TTC23L: variants seen among roughly 807,000 people sequenced by gnomAD.
TTC23L encodes tetratricopeptide repeat protein 23-like.
TTC23L carries 42 observed loss-of-function variants against 48.1 expected under a neutral mutation model. That is an observed-to-expected ratio of 0.87 (90% CI 0.68 to 1.13). The LOEUF is 1.13. Ranked by LOEUF, TTC23L falls within the 50% of genes most tolerant of loss-of-function variation. The pLI, the probability that TTC23L is intolerant of heterozygous loss-of-function variation, is 0.00. For missense variants in TTC23L, 391 were observed against 421.0 expected (o/e 0.93, Z 0.62); for synonymous variants, 159 against 157.2 (o/e 1.01, Z -0.09).
chr5:34,901,236 C>A (rs1401923996), downstream of TTC23L, among the ~76,000 whole-genome samples: 1 of 151,246 alleles, frequency 6.6e-6, no homozygotes, highest in African/African-American at 2.4e-5. Flanking sequence ...AAAAAAAAAA[C>A]TTCCAATGTA....
intron 4 of TTC23L, among the ~76,000 whole-genome samples, chr5:34,859,585 G>A (rs1760411278): frequency 6.6e-6 from 1 of 151,996 alleles, no homozygotes; most frequent in Non-Finnish European, 1.5e-5. Flanking sequence ...GAGGCTTTTT[G>A]TGGTGTTTGG....
chr5:34,915,422 G>A, the TTC23L span: 14 of 281,322 alleles, frequency 5.0e-5, no homozygotes, highest in Admixed American at 4.8e-5. Context: ...CTACCTTTGC[G>A]GTGGGGTCTG....
chr5:34,922,472 G>A, the TTC23L span: 2 of 1,010,896 alleles, frequency 2.0e-6, no homozygotes, highest in East Asian at 2.4e-5. Flanking sequence ...ATTATTTATG[G>A]TGAATAGGTG....
chr5:34,846,707 G>GTGTGTGTA (rs59410522), intron 3 of TTC23L, among the ~76,000 whole-genome samples: 14,250 of 129,494 alleles, frequency 0.11, 1,185 homozygotes, highest in East Asian at 0.21. Context: ...GTGTGTGTGT[G>GTGTGTGTA]TATCCATCCT....
chr5:34,869,959 C>T (rs1761340127), intron 8 of TTC23L: 1 of 152,002 alleles, frequency 6.6e-6, no homozygotes, highest in African/African-American at 2.4e-5. Flanking sequence ...CGTCTATATT[C>T]ACAGTATATA....
At chr5:34,854,364 T>C (rs1759945903) in intron 4 of TTC23L, among the ~76,000 whole-genome samples, 1 of 152,166 alleles carries the variant, frequency 6.6e-6, no homozygotes, top group African/African-American at 2.4e-5. Flanking sequence ...TTAGAATAGG[T>C]TGTGACTGTA....
intron 9 of TTC23L, among the ~76,000 whole-genome samples, chr5:34,894,048 T>G (rs1763045074): frequency 6.6e-6 from 1 of 152,292 alleles, no homozygotes; most frequent in East Asian, 1.9e-4. Flanking sequence ...GCCTTCTCAA[T>G]ACTCTATTTA....
chr5:34,862,756 A>T, intron 4 of TTC23L, 142 bp from the exon 5 acceptor site: 1 of 976,944 alleles, frequency 1.0e-6, no homozygotes, highest in African/African-American at 1.6e-5. Context: ...AATAATTCTG[A>T]TTCACAGCCA....
chr5:34,915,911 TC>T, the TTC23L span: 2 of 1,537,354 alleles, frequency 1.3e-6, no homozygotes, highest in Admixed American at 2.1e-5. Flanking sequence ...GGAGGGGATG[TC>T]CCCGGGCTAC....
intron 10 of TTC23L, among the ~76,000 whole-genome samples, chr5:34,899,080 C>A (rs1763404322): frequency 6.6e-6 from 1 of 152,160 alleles, no homozygotes; most frequent in African/African-American, 2.4e-5. Context: ...AAGTTTTCCA[C>A]CTGGGATTTA....
chr5:34,867,353 A>G (rs1761143629), intron 7 of TTC23L: 2 of 435,340 alleles, frequency 4.6e-6, no homozygotes, highest in Non-Finnish European at 8.4e-6. Context: ...AAGAAGCAAA[A>G]TGTGAGTCTA....
At chr5:34,919,536 G>C in the TTC23L span, among the ~76,000 whole-genome samples, 2 of 152,062 alleles carry the variant, frequency 1.3e-5, no homozygotes, top group Non-Finnish European at 2.9e-5. Context: ...CACAGTCTTT[G>C]GTTTGTGAGA....
intron 9 of TTC23L, among the ~76,000 whole-genome samples, chr5:34,889,075 C>T (rs532258218): frequency 1.4e-4 from 22 of 152,200 alleles, no homozygotes; most frequent in African/African-American, 5.3e-4. Context: ...TTATCAATGA[C>T]GCTTATCATT....
At chr5:34,858,627 T>G (rs1425734533) in intron 4 of TTC23L, among the ~76,000 whole-genome samples, 1 of 151,948 alleles carries the variant, frequency 6.6e-6, no homozygotes, top group African/African-American at 2.4e-5. Context: ...TGTACAACAG[T>G]ATTGATGTGT....
At chr5:34,841,955 A>G (rs1438228247) in intron 2 of TTC23L, among the ~76,000 whole-genome samples, 1 of 152,222 alleles carries the variant, frequency 6.6e-6, no homozygotes, top group Non-Finnish European at 1.5e-5. Context: ...GCCACCATCC[A>G]CTAGATGCCA....
At chr5:34,923,406 T>C in the TTC23L span, 27 of 598,642 alleles carry the variant, frequency 4.5e-5, no homozygotes, top group South Asian at 5.5e-4. Context: ...GTCTCCTGAG[T>C]AGCTGGGATT....
intron 4 of TTC23L, 146 bp downstream of exon 4, chr5:34,850,454 G>A: frequency 1.2e-6 from 1 of 819,342 alleles, no homozygotes; most frequent in Non-Finnish European, 1.8e-6. Context: ...CCATGGATGA[G>A]GGAGACAGTG....
chr5:34,874,354 CAAAT>C (rs1437105732), intron 8 of TTC23L, among the ~76,000 whole-genome samples: 2 of 152,128 alleles, frequency 1.3e-5, no homozygotes, highest in East Asian at 3.8e-4. Context: ...CTTAATCTAA[CAAAT>C]AACAGTTTGT....
chr5:34,924,812 C>A, the TTC23L span: 1 of 1,526,532 alleles, frequency 6.6e-7, no homozygotes, highest in Non-Finnish European at 9.1e-7. Context: ...AATAACGTAA[C>A]CAAACCAAAA....
Sources: gnomAD v4.1 joint callset for allele counts (sites outside exome capture counted in the v4.1 genomes callset) on GRCh38, gnomAD v4.1.1 for gene constraint, MANE v1.5 for transcripts, NCBI Gene and HGNC (gene_info 2026-07-23, HGNC 2026-07-21) for gene names.